The following PAPPA variants were observed in gnomAD, a reference collection of about 807,000 sequenced individuals.
PAPPA encodes pappalysin-1.
In PAPPA, 60 loss-of-function variants were observed where a neutral mutation model predicts 164.0. The ratio of observed to expected loss-of-function variants is 0.37; its 90% CI spans 0.30 to 0.45. The LOEUF (loss-of-function observed/expected upper bound fraction) is 0.45, where lower values mean the gene tolerates loss of function less well. Ranked by LOEUF, PAPPA falls within the 20% of genes least tolerant of loss-of-function variation. The probability of loss-of-function intolerance (pLI) is 1.00; values close to 1 mark genes in which losing one functional copy is unlikely to be tolerated. For synonymous variants in PAPPA, 875 were observed against 814.1 expected (o/e 1.07, Z -1.27); for missense variants, 1,782 against 2,087.3 (o/e 0.85, Z 2.85).
At position 116,187,923 on chromosome 9, in the gene PAPPA, G is replaced by A. The variant is rs1220896849; in HGVS notation, c.1185G>A (p.Leu395=). ...AGCAATACAACATCTCCTGGGAGCT[G>A]GACGTGCTGGAGGTGAGCAACTCCT... ...AFKQYNISWE[L]DVLEVSNSSL... is the part of the protein sequence containing the mutation. Residue 395 remains leucine (L), a synonymous_variant, in exon 2 of 22, where the codon CTG becomes CTA. Transcript: ENST00000328252. This position sits in a 1 kb window ranked among gnomAD's most constrained non-coding sequence, Gnocchi z 4.2. The A allele has an allele frequency of 6.2e-7, 1 of 1,614,164 alleles. No homozygotes were observed. The highest frequency in any genetic ancestry group is 8.5e-7 in the Non-Finnish European group (1 of 1,180,046).
chr9:116,202,653 G>C (rs540646124), intron 2 of PAPPA, among the ~76,000 whole-genome samples: 2 of 152,094 alleles, frequency 1.3e-5, no homozygotes, highest in Non-Finnish European at 2.9e-5. Context: ...TTTCAATCTA[G>C]CCAACATTTT....
intron 9 of PAPPA, among the ~76,000 whole-genome samples, chr9:116,273,955 A>G (rs1845166753): frequency 6.6e-6 from 1 of 152,178 alleles, no homozygotes; most frequent in Admixed American, 6.5e-5. Flanking sequence ...CAACTCTTTT[A>G]CTGAACTGCT....
At chr9:116,195,729 G>A (rs935082192) in intron 2 of PAPPA, among the ~76,000 whole-genome samples, 4 of 152,128 alleles carry the variant, frequency 2.6e-5, no homozygotes, top group East Asian at 3.9e-4. Flanking sequence ...AGATCTTCTC[G>A]CTTCTTATTG....
intron 1 of PAPPA, among the ~76,000 whole-genome samples, chr9:116,167,062 T>C (rs1843726841): frequency 1.3e-5 from 2 of 152,194 alleles, no homozygotes; most frequent in African/African-American, 4.8e-5. Context: ...GCAAAGTATA[T>C]TTTATTTGCA....
chr9:116,300,260 CTTTTGTTTTG>C (rs59797817), intron 9 of PAPPA, among the ~76,000 whole-genome samples: 5 of 150,590 alleles, frequency 3.3e-5, no homozygotes, highest in African/African-American at 7.3e-5. Context: ...TTCTGTTTTT[CTTTTGTTTTG>C]TTTTGTTTTG....
chr9:116,257,688 C>A (rs1378453433), intron 7 of PAPPA, among the ~76,000 whole-genome samples: 2 of 151,772 alleles, frequency 1.3e-5, no homozygotes, highest in Admixed American at 6.6e-5. Flanking sequence ...GGCGACAGAG[C>A]GAGACTCCGT....
chr9:116,230,556 C>T (rs1052306244), intron 6 of PAPPA, among the ~76,000 whole-genome samples: 1 of 152,176 alleles, frequency 6.6e-6, no homozygotes, highest in Non-Finnish European at 1.5e-5. Context: ...ATATAATATC[C>T]TTTCTAGCTC....
rs1327306823 is a variant in PAPPA at position 116,402,253 on chromosome 9, T to C, written c.*5637T>C. ...ATAATAATGTCAGAGACAGAAATATTTTGCCACTGTTGATTACTATACTTT... is the reference window on the plus strand; with the variant it reads ...ATAATAATGTCAGAGACAGAAATATCTTGCCACTGTTGATTACTATACTTT... On this transcript the variant is annotated 3_prime_UTR_variant, in exon 22 of 22. Transcript: ENST00000328252. The C allele has an allele frequency of 6.6e-6, 1 of 152,594 alleles. No individual in the cohort carries two copies. Among genetic ancestry groups the C allele is most frequent in the Non-Finnish European group, 1.5e-5 (1 of 68,032 alleles). 9.5% of individuals were successfully genotyped at this position (152,594 alleles called of 1,614,324 possible). A position where few individuals can be genotyped will look rare whatever the true frequency, so the allele number is the denominator to read the frequency against.
rs1444923803 is a variant in PAPPA, at chr9:116,400,328, ACTGT to A, written c.*3717_*3720del. The A allele has an allele frequency of 3.9e-5, 6 of 152,152 alleles. No individual in the cohort carries two copies. Among genetic ancestry groups the A allele is most frequent in the African/African-American group, 7.2e-5 (3 of 41,426 alleles). The allele number at this position is 152,152 out of a possible 1,614,324, so 9.4% of individuals were successfully genotyped here. On this transcript the variant is annotated 3_prime_UTR_variant, in exon 22 of 22. Transcript: ENST00000328252. Reference sequence around the variant, plus strand: ...AAGACATAGAGTGGGATTTGATAACACTGTCTGTTATTTTCTGTACATTGTGGTA... The same window carrying A: ...AAGACATAGAGTGGGATTTGATAACACTGTTATTTTCTGTACATTGTGGTA...
intron 2 of PAPPA, among the ~76,000 whole-genome samples, chr9:116,195,003 GCTTA>G (rs1410791634): frequency 6.6e-6 from 1 of 152,018 alleles, no homozygotes; most frequent in Non-Finnish European, 1.5e-5. Context: ...TTGCACACTG[GCTTA>G]CTTTTAAAAT....
intron 17 of PAPPA, among the ~76,000 whole-genome samples, chr9:116,356,415 G>A (rs924035881): frequency 2.0e-5 from 3 of 152,222 alleles, no homozygotes; most frequent in Non-Finnish European, 4.4e-5. Context: ...TAGCCCTGGG[G>A]AATACACAAA....
chr9:116,167,219 C>G (rs1843728304), intron 1 of PAPPA, among the ~76,000 whole-genome samples: 1 of 152,148 alleles, frequency 6.6e-6, no homozygotes, highest in South Asian at 2.1e-4. Flanking sequence ...TCTGAGGTTG[C>G]TCAAGTCCCC....
At chr9:116,327,205 C>G (rs1159618322) in intron 10 of PAPPA, among the ~76,000 whole-genome samples, 2 of 152,154 alleles carry the variant, frequency 1.3e-5, no homozygotes, top group Non-Finnish European at 2.9e-5. Context: ...GGGACCAGGT[C>G]TTGTTCACAC....
At chr9:116,278,899 G>C (rs892257872) in intron 9 of PAPPA, among the ~76,000 whole-genome samples, 1 of 152,202 alleles carries the variant, frequency 6.6e-6, no homozygotes, top group Non-Finnish European at 1.5e-5. Flanking sequence ...ATGCACAGCA[G>C]TTAGTGGACA....
intron 8 of PAPPA, among the ~76,000 whole-genome samples, chr9:116,268,969 T>G (rs1845106242): frequency 6.6e-6 from 1 of 152,134 alleles, no homozygotes; most frequent in African/African-American, 2.4e-5. Context: ...TGAAGAAATA[T>G]GGATAGACTC....
At chr9:116,234,963 G>A (rs1206749816) in intron 6 of PAPPA, among the ~76,000 whole-genome samples, 176 bp from the exon 7 acceptor site, 1 of 152,148 alleles carries the variant, frequency 6.6e-6, no homozygotes, top group East Asian at 1.9e-4. Flanking sequence ...CAGGGGTGGG[G>A]ATGAGATGGA....
intron 17 of PAPPA, among the ~76,000 whole-genome samples, chr9:116,360,565 A>G (rs369312654): frequency 1.3e-5 from 2 of 152,156 alleles, no homozygotes; most frequent in East Asian, 1.9e-4. Flanking sequence ...TTTCTCATAC[A>G]TTCATTCATA....
chr9:116,348,256 T>G (rs996609105), intron 15 of PAPPA, among the ~76,000 whole-genome samples: 1 of 151,666 alleles, frequency 6.6e-6, no homozygotes, highest in Non-Finnish European at 1.5e-5. Context: ...TTCAGAGTAC[T>G]GTGCTGAGGC....
chr9:116,374,198 T>C (rs1372050210), intron 19 of PAPPA, among the ~76,000 whole-genome samples: 1 of 102,896 alleles, frequency 9.7e-6, no homozygotes, highest in Non-Finnish European at 2.3e-5. Flanking sequence ...GTGATGATGA[T>C]GGTGGTGCCA....
Sources: gnomAD v4.1 joint callset for allele counts (sites outside exome capture counted in the v4.1 genomes callset) on GRCh38, gnomAD v4.1.1 for gene constraint, Gnocchi (gnomAD v3.1) non-coding constraint, MANE v1.5 for transcripts, NCBI Gene and HGNC (gene_info 2026-07-23, HGNC 2026-07-21) for gene names.